Variants in FAT3 observed in about 807,000 individuals in gnomAD.
The protein encoded by FAT3 is protocadherin Fat 3.
FAT3 carries 95 observed loss-of-function variants against 310.2 expected under a neutral mutation model. The observed-to-expected ratio is 0.31, with a 90% CI of 0.26 to 0.36. The LOEUF is 0.36. FAT3 is among the 10% of genes least tolerant of loss of function. The pLI is 1.00. For synonymous variants in FAT3, 2,314 were observed against 2,192.9 expected (o/e 1.06, Z -1.54); for missense variants, 5,408 against 5,715.6 (o/e 0.95, Z 1.74).
chr11:92,727,456 A>G (rs1005459015), intron 4 of FAT3, among the ~76,000 whole-genome samples: 4 of 151,180 alleles, frequency 2.6e-5, no homozygotes, highest in Non-Finnish European at 5.9e-5. Flanking sequence ...AAAAAAAAAC[A>G]TGGTATGAAA....
At chr11:92,857,184 C>T (rs751963711) in intron 19 of FAT3, 30 bp from the exon 20 acceptor site, 2 of 1,613,776 alleles carry the variant, frequency 1.2e-6, no homozygotes, top group Non-Finnish European at 1.7e-6. Context: ...CCTTTGTGTA[C>T]TGATCATGCA....
At chr11:92,506,148 G>C (rs1217022518) in intron 2 of FAT3, among the ~76,000 whole-genome samples, 1 of 151,974 alleles carries the variant, frequency 6.6e-6, no homozygotes, top group African/African-American at 2.4e-5. Context: ...TGAACTCTAG[G>C]GCTGTTCCTA....
intron 3 of FAT3, among the ~76,000 whole-genome samples, chr11:92,596,776 T>C (rs1271187212): frequency 2.0e-5 from 3 of 152,204 alleles, no homozygotes; most frequent in African/African-American, 7.2e-5. Flanking sequence ...CCTGCTTCTC[T>C]CAGTAAGGCC....
intron 21 of FAT3, among the ~76,000 whole-genome samples, chr11:92,864,156 C>T (rs1416577986): frequency 2.0e-5 from 3 of 152,148 alleles, no homozygotes; most frequent in Non-Finnish European, 4.4e-5. Context: ...TGTCATTTCT[C>T]CCTGGTGAAT....
At chr11:92,686,263 A>G (rs190452674) in intron 3 of FAT3, among the ~76,000 whole-genome samples, 2 of 150,904 alleles carry the variant, frequency 1.3e-5, no homozygotes, top group African/African-American at 5.0e-5. Flanking sequence ...ACTGCTCTCA[A>G]ATAAACACAT....
At chr11:92,336,054 T>C (rs1948064972) in intron 1 of FAT3, 2 of 503,080 alleles carry the variant, frequency 4.0e-6, no homozygotes, top group Non-Finnish European at 7.9e-6. Context: ...CTCTGGCAAC[T>C]GGATCGTGCT....
chr11:92,808,633 A>G (rs974289751), intron 12 of FAT3, among the ~76,000 whole-genome samples: 2 of 152,194 alleles, frequency 1.3e-5, no homozygotes, highest in African/African-American at 4.8e-5. Flanking sequence ...CTTAATAAAT[A>G]TAGGTAGCTT....
chr11:92,258,018 C>T (rs991689318), intron 1 of FAT3, among the ~76,000 whole-genome samples: 2 of 152,002 alleles, frequency 1.3e-5, no homozygotes, highest in African/African-American at 4.8e-5. Context: ...TCTTGCACCC[C>T]CAGGTATATC....
intron 2 of FAT3, among the ~76,000 whole-genome samples, chr11:92,484,699 A>G (rs1208610111): frequency 6.6e-6 from 1 of 152,244 alleles, no homozygotes; most frequent in African/African-American, 2.4e-5. Context: ...AAGTTAGATG[A>G]GAAGGACTGA....
chr11:92,641,382 A>G (rs1306331911), intron 3 of FAT3, among the ~76,000 whole-genome samples: 2 of 152,196 alleles, frequency 1.3e-5, no homozygotes, highest in Non-Finnish European at 2.9e-5. Flanking sequence ...CAGAAACTTC[A>G]TGGCTTAAAA....
chr11:92,875,697 A>G (rs1949515693), intron 22 of FAT3, among the ~76,000 whole-genome samples: 1 of 152,188 alleles, frequency 6.6e-6, no homozygotes, highest in South Asian at 2.1e-4. Flanking sequence ...AATATTTAAC[A>G]GTTACCTCTT....
At chr11:92,540,408 C>A (rs1591423575) in intron 3 of FAT3, among the ~76,000 whole-genome samples, 1 of 152,160 alleles carries the variant, frequency 6.6e-6, no homozygotes, top group East Asian at 1.9e-4. Flanking sequence ...TGTATAAACA[C>A]CAGGTGGGAC....
At chr11:92,624,423 T>A (rs765494030) in intron 3 of FAT3, among the ~76,000 whole-genome samples, 1 of 152,154 alleles carries the variant, frequency 6.6e-6, no homozygotes, top group Admixed American at 6.6e-5. Context: ...GGGCCTGGCA[T>A]GTTTAGACTA....
intron 4 of FAT3, among the ~76,000 whole-genome samples, chr11:92,738,849 A>G (rs1270777459): frequency 6.6e-6 from 1 of 152,150 alleles, no homozygotes; most frequent in African/African-American, 2.4e-5. Flanking sequence ...AGTGGGGTTA[A>G]TATTTCTTCA....
In FAT3 at chr11:92,272,807, C is replaced by T. The variant is rs1349259764; in HGVS notation, c.-18+47633C>T. Among the ~76,000 whole-genome samples the T allele has an allele frequency of 3.3e-5, 5 of 151,974 alleles. No individual in the cohort carries two copies. In the South Asian group the frequency reaches 6.2e-4, roughly 19 times the overall value. On this transcript the variant is annotated intron_variant, in intron 1 of 27. Coordinates refer to ENST00000525166, the MANE Select transcript of FAT3 (RefSeq NM_001367949.2). ...ATAGGCCTGTTAAGGGAAGTATTGC[C>T]AAGGAAGCTTGCTAGACCTTTTGCA...
chr11:92,504,999 G>A (rs1011602282), intron 2 of FAT3, among the ~76,000 whole-genome samples: 9 of 152,080 alleles, frequency 5.9e-5, no homozygotes, highest in Non-Finnish European at 7.4e-5. Flanking sequence ...GTGTATTATT[G>A]AGGGGTGGGG....
chr11:92,850,825 T>C (rs951324931), intron 19 of FAT3, among the ~76,000 whole-genome samples: 1 of 152,170 alleles, frequency 6.6e-6, no homozygotes, highest in African/African-American at 2.4e-5. Context: ...AGGAGAGTCA[T>C]AAATATGGTA....
intron 2 of FAT3, among the ~76,000 whole-genome samples, chr11:92,503,700 C>CT (rs1170882380): frequency 6.6e-6 from 1 of 152,026 alleles, no homozygotes; most frequent in Non-Finnish European, 1.5e-5. Context: ...ACAACACACT[C>CT]TGATTTTTTT....
chr11:92,624,381 A>G (rs908944435), intron 3 of FAT3, among the ~76,000 whole-genome samples: 1 of 152,310 alleles, frequency 6.6e-6, no homozygotes, highest in African/African-American at 2.4e-5. Flanking sequence ...AGCAGGAAAA[A>G]AACTTAGAAC....
Sources: gnomAD v4.1 joint callset for allele counts (sites outside exome capture counted in the v4.1 genomes callset) on GRCh38, gnomAD v4.1.1 for gene constraint, MANE v1.5 for transcripts, NCBI Gene and HGNC (gene_info 2026-07-23, HGNC 2026-07-21) for gene names.